The following PROS1 variants were observed in gnomAD, a reference collection of about 807,000 sequenced individuals.
PROS1 encodes the protein vitamin K-dependent protein S.
A neutral mutation model predicts 75.9 loss-of-function variants in PROS1; 29 were observed. The observed-to-expected ratio is 0.38, with a 90% CI of 0.28 to 0.52. PROS1 has a LOEUF of 0.52. Ranked by LOEUF, PROS1 falls within the 20% of genes least tolerant of loss-of-function variation. PROS1 has a pLI of 0.83. For missense variants in PROS1, 680 were observed against 810.3 expected (o/e 0.84, Z 1.95); for synonymous variants, 245 against 280.6 (o/e 0.87, Z 1.27).
intron 3 of PROS1, among the ~76,000 whole-genome samples, chr3:93,918,645 A>C (rs560082064): frequency 6.6e-6 from 1 of 152,250 alleles, no homozygotes; most frequent in African/African-American, 2.4e-5. Context: ...CAGTGAGACC[A>C]AGAACCCACC....
chr3:93,900,345 A>G (rs1474674508), intron 7 of PROS1, among the ~76,000 whole-genome samples: 4 of 152,332 alleles, frequency 2.6e-5, no homozygotes, highest in Non-Finnish European at 4.4e-5. Context: ...ATTTTAGAAT[A>G]AATGATTTAT....
chr3:93,874,059 A>G lies in PROS1; in HGVS notation c.*186T>C, dbSNP rs1225469000. 4.5e-6 allele frequency: 3 copies of G among 664,730 alleles called. No individual in the cohort carries two copies. Among genetic ancestry groups the G allele is most frequent in the Non-Finnish European group, 7.3e-6 (3 of 411,130 alleles). 41.2% of individuals were successfully genotyped at this position (664,730 alleles called of 1,614,324 possible). ...TTCTTAGATAGCAAGAGAAGTAAGA[A>G]TTTCTTTACTGTGATTTATATCACA... On this transcript the variant is annotated 3_prime_UTR_variant, in exon 15 of 15. Coordinates refer to ENST00000394236, the MANE Select transcript of PROS1 (RefSeq NM_000313.4).
At chr3:93,958,275 C>T (rs775834705) in intron 1 of PROS1, among the ~76,000 whole-genome samples, 3 of 151,788 alleles carry the variant, frequency 2.0e-5, no homozygotes, top group Non-Finnish European at 2.9e-5. Flanking sequence ...TTTTTTTCAT[C>T]GCAAAGGTTG....
intron 3 of PROS1, among the ~76,000 whole-genome samples, chr3:93,915,487 A>T (rs1401167543): frequency 2.0e-5 from 3 of 152,184 alleles, no homozygotes; most frequent in Non-Finnish European, 4.4e-5. Context: ...ATAGATAAAT[A>T]AATTAATGCA....
Position 93,889,275 on chromosome 3 carries a change from G to A in PROS1, c.1156-2772C>T, listed in dbSNP as rs5000738. 3.5e-4 allele frequency among the ~76,000 whole-genome samples: 53 copies of A among 151,804 alleles called. No individual in the cohort carries two copies. The South Asian group carries it at 3.8e-3, about 11-fold the overall frequency. ...ATTTTTTCATGCATTTGTTGTTTGC[G>A]TCTCACCATTAGAACGCAAGCTCCA... On this transcript the variant is annotated intron_variant, in intron 10 of 14. Coordinates refer to ENST00000394236, the MANE Select transcript of PROS1 (RefSeq NM_000313.4).
At chr3:93,959,545 TTATC>T (rs1709668640) in intron 1 of PROS1, among the ~76,000 whole-genome samples, 1 of 152,200 alleles carries the variant, frequency 6.6e-6, no homozygotes, top group Non-Finnish European at 1.5e-5. Context: ...ATTTGTTCAC[TTATC>T]TATCTTCTCT....
chr3:93,940,289 G>A (rs377323107), intron 1 of PROS1, among the ~76,000 whole-genome samples: 7 of 152,132 alleles, frequency 4.6e-5, no homozygotes, highest in Non-Finnish European at 7.4e-5. Flanking sequence ...GACACTGCCC[G>A]ATTGCCTCGG....
intron 8 of PROS1, among the ~76,000 whole-genome samples, chr3:93,897,366 G>A (rs1211181774): frequency 1.3e-5 from 2 of 151,916 alleles, no homozygotes; most frequent in Admixed American, 1.3e-4. Context: ...ACACATATGA[G>A]GATATTTTGA....
chr3:93,918,354 G>C (rs554460142), intron 3 of PROS1, among the ~76,000 whole-genome samples: 5 of 152,144 alleles, frequency 3.3e-5, no homozygotes, highest in South Asian at 2.1e-4. Flanking sequence ...CAGGCTGCCC[G>C]AGCCAGCAGT....
At chr3:93,973,003 A>ACATAAAG (rs1262873584) in intron 1 of PROS1, among the ~76,000 whole-genome samples, 1 of 152,202 alleles carries the variant, frequency 6.6e-6, no homozygotes, top group Non-Finnish European at 1.5e-5. Flanking sequence ...GGGCATAAGG[A>ACATAAAG]CATAAAGAAC....
At chr3:93,924,650 A>T (rs1708989539) in intron 2 of PROS1, among the ~76,000 whole-genome samples, 1 of 150,228 alleles carries the variant, frequency 6.7e-6, no homozygotes, top group Non-Finnish European at 1.5e-5. Context: ...GTTGAATCAC[A>T]GTAACGTACT....
intron 1 of PROS1, among the ~76,000 whole-genome samples, chr3:93,944,198 ACATAAAACAG>A (rs1469189591): frequency 6.6e-6 from 1 of 152,238 alleles, no homozygotes; most frequent in Non-Finnish European, 1.5e-5. Flanking sequence ...CCAGATAAAT[ACATAAAACAG>A]CAGAAGAAAA....
intron 12 of PROS1, among the ~76,000 whole-genome samples, chr3:93,883,077 T>G (rs1708295202): frequency 6.6e-6 from 1 of 152,092 alleles, no homozygotes; most frequent in South Asian, 2.1e-4. Context: ...ACAGTGAAAA[T>G]TCCACACTCC....
At chr3:93,877,267 G>T in intron 13 of PROS1, 76 bp from the exon 14 acceptor site, 2 of 1,177,510 alleles carry the variant, frequency 1.7e-6, no homozygotes, top group Non-Finnish European at 2.5e-6. Flanking sequence ...TTGAGTTTTT[G>T]AAAGTCAAAA....
chr3:93,970,053 A>G (rs977651620), intron 1 of PROS1, among the ~76,000 whole-genome samples: 1 of 152,234 alleles, frequency 6.6e-6, no homozygotes, highest in African/African-American at 2.4e-5. Flanking sequence ...CCTAACCTTG[A>G]TAAAATCTCT....
At chr3:93,959,260 G>C (rs1342400032) in intron 1 of PROS1, among the ~76,000 whole-genome samples, 1 of 152,128 alleles carries the variant, frequency 6.6e-6, no homozygotes, top group African/African-American at 2.4e-5. Context: ...GCTGCGATGA[G>C]CTGTGATCAC....
At chr3:93,905,747 T>G in intron 6 of PROS1, 37 bp downstream of exon 6, 1 of 1,601,284 alleles carries the variant, frequency 6.2e-7, no homozygotes, top group Non-Finnish European at 8.6e-7. Flanking sequence ...TATTCTCACA[T>G]AGTAAATGTG....
chr3:93,959,631 C>T (rs533142511), intron 1 of PROS1, among the ~76,000 whole-genome samples: 1 of 152,306 alleles, frequency 6.6e-6, no homozygotes, highest in Non-Finnish European at 1.5e-5. Context: ...TGTTTAAATG[C>T]ATATTCTGGA....
intron 1 of PROS1, among the ~76,000 whole-genome samples, chr3:93,971,426 G>T (rs889909999): frequency 3.3e-5 from 5 of 150,954 alleles, no homozygotes; most frequent in African/African-American, 1.2e-4. Context: ...ACTACACAAT[G>T]AATTACAAAT....
Sources: allele counts gnomAD v4.1 joint callset (sites outside exome capture counted in the v4.1 genomes callset), GRCh38; gene constraint gnomAD v4.1.1; transcripts MANE v1.5; gene names NCBI Gene and HGNC (gene_info 2026-07-23, HGNC 2026-07-21).